Variants in DHTKD1 observed in about 807,000 individuals in gnomAD.
DHTKD1 encodes dehydrogenase E1 and transketolase domain containing 1.
In DHTKD1, 78 loss-of-function variants were observed where a neutral mutation model predicts 101.8. The observed-to-expected ratio is 0.77, with a 90% confidence interval of 0.64 to 0.93. The LOEUF (loss-of-function observed/expected upper bound fraction) is 0.93. Ranked by LOEUF, DHTKD1 falls within the 40% of genes least tolerant of loss-of-function variation. The probability of loss-of-function intolerance (pLI) is 0.00; values close to 1 mark genes in which losing one functional copy is unlikely to be tolerated. For synonymous variants in DHTKD1, 462 were observed against 450.3 expected, an observed-to-expected ratio of 1.03 and a Z score of -0.33; for missense variants, 1,223 against 1,161.7, an observed-to-expected ratio of 1.05 and a Z score of -0.77.
At position 12,100,663 on chromosome 10, in the gene DHTKD1, G is replaced by A. The variant is rs78351798; in HGVS notation, c.1757-379G>A. On this transcript the variant is annotated intron_variant, in intron 9 of 16. Coordinates refer to ENST00000263035, the MANE Select transcript of DHTKD1 (RefSeq NM_018706.7). ...TTGAGTTATAACTACCTCCCATTGTGTTCATTGACCAGAGAGGTTCTAAAG... is the reference window on the plus strand; with the variant it reads ...TTGAGTTATAACTACCTCCCATTGTATTCATTGACCAGAGAGGTTCTAAAG... Among the ~76,000 whole-genome samples, 565 of 152,180 alleles carry A rather than the reference G, an allele frequency of 3.7e-3. 2 individuals are homozygous for A. Among genetic ancestry groups the A allele is most frequent in the African/African-American group, 0.013 (546 of 41,518 alleles).
intron 10 of DHTKD1, among the ~76,000 whole-genome samples, chr10:12,105,303 A>G (rs555835960): frequency 2.0e-5 from 3 of 151,686 alleles, no homozygotes; most frequent in East Asian, 3.9e-4. Flanking sequence ...AACTTTCCTC[A>G]CTTTGTTTCA....
chr10:12,073,402 A>G (rs958836647), intron 1 of DHTKD1, among the ~76,000 whole-genome samples: 2 of 151,858 alleles, frequency 1.3e-5, no homozygotes, highest in Non-Finnish European at 2.9e-5. Flanking sequence ...GCAGGAGTGC[A>G]GTGGCATGAT....
intron 5 of DHTKD1, among the ~76,000 whole-genome samples, chr10:12,090,159 TTAAC>T (rs1451137678): frequency 3.3e-5 from 5 of 152,174 alleles, no homozygotes; most frequent in African/African-American, 1.2e-4. Flanking sequence ...ATATGAACCT[TTAAC>T]TACAGGAGAT....
chr10:12,118,576 G>A, intron 14 of DHTKD1, among the ~76,000 whole-genome samples, 173 bp from the exon 15 acceptor site: 1 of 151,788 alleles, frequency 6.6e-6, no homozygotes, highest in Non-Finnish European at 1.5e-5. Flanking sequence ...TAGAGACAGG[G>A]TTTCACCGTG....
In DHTKD1 at chr10:12,097,769, T is replaced by A. The variant is rs758904422; in HGVS notation, c.1444T>A (p.Ser482Thr). Residue 482 changes from serine (S) to threonine (T), a missense_variant, in exon 8 of 17, where the codon TCC (serine) becomes ACC (threonine). Transcript: ENST00000263035. ...GCAGGAGGAGGTGTCTGAAATAAAA[T>A]CCTCCTACTATGCCAAGTTGAATGA... ...MTQEEVSEIKSSYYAKLNDHL... is the reference protein window; with the variant it reads ...MTQEEVSEIKTSYYAKLNDHL... 2 of 1,614,146 alleles carry A rather than the reference T, an allele frequency of 1.2e-6. No homozygotes were observed. Among genetic ancestry groups the A allele is most frequent in the Admixed American group, 3.3e-5 (2 of 60,010 alleles).
At position 12,091,589 on chromosome 10, in the gene DHTKD1, G is replaced by T; in HGVS notation, c.1064G>T (p.Arg355Ile). 1 of 1,613,406 alleles carries T rather than the reference G, an allele frequency of 6.2e-7. No individual in the cohort carries two copies. ...ACGCTGTCCAATCTCCCACATTTCA[G>T]AATTGGTGGGAGTGTGCATTTGATT... ...TFTLSNLPHF[R>I]IGGSVHLIVN... Residue 355 changes from arginine to isoleucine, a missense_variant, in exon 6 of 17, where the codon AGA becomes ATA. Coordinates refer to ENST00000263035, the MANE Select transcript of DHTKD1 (RefSeq NM_018706.7).
At chr10:12,077,839 A>G (rs1032729671) in intron 1 of DHTKD1, among the ~76,000 whole-genome samples, 2 of 151,292 alleles carry the variant, frequency 1.3e-5, no homozygotes, top group Non-Finnish European at 1.5e-5. Flanking sequence ...TTTGTTTTTC[A>G]TGAAACAGAG....
At chr10:12,079,326 A>C (rs1174484632) in intron 1 of DHTKD1, among the ~76,000 whole-genome samples, 1 of 152,120 alleles carries the variant, frequency 6.6e-6, no homozygotes, top group Non-Finnish European at 1.5e-5. Context: ...TAGAAAGAAA[A>C]CCGGGTTCCT....
At chr10:12,101,262 T>G (rs1833165739) in intron 10 of DHTKD1, 81 bp downstream of exon 10, 5 of 1,483,482 alleles carry the variant, frequency 3.4e-6, no homozygotes, top group Non-Finnish European at 3.6e-6. Flanking sequence ...TAGGAAGGAG[T>G]GCTGGCAACT....
chr10:12,089,108 T>C lies in DHTKD1; in HGVS notation c.840T>C (p.His280=), dbSNP rs772239939. Residue 280 remains histidine (H), a synonymous_variant, in exon 5 of 17, where the codon CAT becomes CAC. Coordinates refer to ENST00000263035, the MANE Select transcript of DHTKD1 (RefSeq NM_018706.7). ...DLYFGAHHPL[H]VTMLPNPSHL... ...ACTTTGGGGCGCACCATCCCCTCCA[T>C]GTGACAATGTTGCCCAATCCCTCGC... 2 of 1,614,062 alleles carry C rather than the reference T, an allele frequency of 1.2e-6. No homozygotes were observed. The highest frequency in any genetic ancestry group is 1.1e-5 in the South Asian group (1 of 91,094).
At chr10:12,069,919 T>C (rs1361140219) in intron 1 of DHTKD1, among the ~76,000 whole-genome samples, 1 of 152,010 alleles carries the variant, frequency 6.6e-6, no homozygotes, top group Non-Finnish European at 1.5e-5. Flanking sequence ...TCCAGGACCA[T>C]CTCTGAGGCT....
intron 3 of DHTKD1, 39 bp downstream of exon 3, chr10:12,084,790 C>T (rs1268165457): frequency 3.1e-6 from 5 of 1,588,260 alleles, no homozygotes; most frequent in Admixed American, 1.7e-5. Context: ...GTGGCTCATG[C>T]CTGTAATCCC....
In DHTKD1 at chr10:12,106,348, G is replaced by C. The variant is rs371485560; in HGVS notation, c.1999G>C (p.Asp667His). The C allele has an allele frequency of 3.1e-6, 5 of 1,614,186 alleles. No homozygotes were observed. The highest frequency in any genetic ancestry group is 4.2e-6 in the Non-Finnish European group (5 of 1,180,032). ...LLPLWEAQFGDFFNGAQIIFD... is the reference protein window; with the variant it reads ...LLPLWEAQFGHFFNGAQIIFD... ...GCCCCTGTGGGAGGCACAGTTTGGC[G>C]ATTTCTTCAATGGTGCCCAGATCAT... Residue 667 changes from aspartate to histidine, a missense_variant, in exon 11 of 17, where the codon GAT becomes CAT. Transcript: ENST00000263035.
At position 12,106,390 on chromosome 10, in the gene DHTKD1, T is replaced by A. The variant is rs374997973; in HGVS notation, c.2041T>A (p.Ser681Thr). 5 of 1,614,072 alleles carry A rather than the reference T, an allele frequency of 3.1e-6. No homozygotes were observed. The highest frequency in any genetic ancestry group is 4.2e-6 in the Non-Finnish European group (5 of 1,180,050). The part of the protein sequence containing the change: ...GAQIIFDTFI[S>T]GGEAKWLLQS... ...CCAGATCATCTTTGACACATTCATC[T>A]CTGGAGGTTGGTGTCAGCGTATAGG... The change falls in exon 11 of 17, where the codon TCT becomes ACT. Residue 681 changes from serine to threonine, a missense_variant. Transcript: ENST00000263035.
chr10:12,087,867 G>A lies in DHTKD1; in HGVS notation c.717+138G>A, dbSNP rs1832929117. 1.4e-6 allele frequency: 1 copy of A among 709,682 alleles called. No homozygotes were observed. The highest frequency in any genetic ancestry group is 2.2e-6 in the Non-Finnish European group (1 of 461,574). The allele number at this position is 709,682 out of a possible 1,614,324, so 44.0% of individuals were successfully genotyped here. ...TGGCTCACACCTGCAATCCCAGCCT[G>A]TTGGGAGGATGAGGCAGGAGGATGG... On this transcript the variant is annotated intron_variant, in intron 4 of 16. Transcript: ENST00000263035. The surrounding 1 kb of genome is among the most constrained non-coding windows in gnomAD (Gnocchi z 5.2).
At chr10:12,082,710 A>G (rs1832840639) in intron 2 of DHTKD1, among the ~76,000 whole-genome samples, 1 of 151,530 alleles carries the variant, frequency 6.6e-6, no homozygotes, top group Non-Finnish European at 1.5e-5. Context: ...CAAACACGTT[A>G]ATGTGGAAAA....
chr10:12,097,125 C>T (rs1052834418), intron 7 of DHTKD1, among the ~76,000 whole-genome samples: 9 of 151,846 alleles, frequency 5.9e-5, no homozygotes, highest in Admixed American at 2.6e-4. Context: ...TTGAGATGAA[C>T]GTGACATAAT....
At chr10:12,076,864 G>A (rs1832739486) in intron 1 of DHTKD1, among the ~76,000 whole-genome samples, 1 of 149,932 alleles carries the variant, frequency 6.7e-6, no homozygotes, top group African/African-American at 2.5e-5. Context: ...CACCGTGTTA[G>A]CCAAGATAGT....
chr10:12,074,232 G>A (rs1832690992), intron 1 of DHTKD1, among the ~76,000 whole-genome samples: 1 of 152,110 alleles, frequency 6.6e-6, no homozygotes, highest in South Asian at 2.1e-4. Flanking sequence ...CCCAGACTGA[G>A]TGCAGTGGCA....
Sources: gnomAD v4.1 joint callset for allele counts (sites outside exome capture counted in the v4.1 genomes callset) on GRCh38, gnomAD v4.1.1 for gene constraint, Gnocchi (gnomAD v3.1) non-coding constraint, MANE v1.5 for transcripts, NCBI Gene and HGNC (gene_info 2026-07-23, HGNC 2026-07-21) for gene names.